STS: variants seen among roughly 807,000 people sequenced by gnomAD.
The protein encoded by STS is steroid sulfatase.
STS carries 7 observed loss-of-function variants against 26.8 expected under a neutral mutation model. That is an observed-to-expected ratio of 0.26 (90% CI 0.15 to 0.49). STS has a LOEUF of 0.49. STS is among the 20% of genes least tolerant of loss of function. The pLI is 0.98. For missense variants in STS, 434 were observed against 465.6 expected, an observed-to-expected ratio of 0.93 and a Z score of 0.63; for synonymous variants, 199 against 189.4, an observed-to-expected ratio of 1.05 and a Z score of -0.42.
intron 2 of STS, among the ~76,000 whole-genome samples, chrX:7,242,719 A>G (rs1922681772): frequency 8.9e-6 from 1 of 112,556 alleles, no homozygotes; most frequent in Admixed American, 9.4e-5. Context: ...AACAGGCTAA[A>G]TATATAGCTT....
At chrX:7,275,844 A>T in intron 6 of STS, 107 bp from the exon 7 acceptor site, 1 of 991,387 alleles carries the variant, frequency 1.0e-6, no homozygotes, top group Non-Finnish European at 1.4e-6. Context: ...GTGAATTTTC[A>T]AATAGCCTGC....
intron 2 of STS, among the ~76,000 whole-genome samples, chrX:7,234,774 G>T (rs750193999): frequency 8.9e-6 from 1 of 112,113 alleles, no homozygotes; most frequent in Non-Finnish European, 1.9e-5. Context: ...TCCTTTTACA[G>T]GAGAAAGAAG....
At chrX:7,326,664 G>A (rs1927490366) in intron 9 of STS, among the ~76,000 whole-genome samples, 1 of 112,542 alleles carries the variant, frequency 8.9e-6, no homozygotes, top group African/African-American at 3.2e-5. Context: ...CCAATCTGAA[G>A]AGTTTTAAGT....
intron 1 of STS, among the ~76,000 whole-genome samples, chrX:7,184,149 G>A (rs1246035032): frequency 8.9e-6 from 1 of 112,436 alleles, no homozygotes; most frequent in Non-Finnish European, 1.9e-5. Flanking sequence ...TATCCCCAAT[G>A]CACAACAAGG....
At chrX:7,217,056 G>A (rs1296974567) in intron 2 of STS, among the ~76,000 whole-genome samples, 1 of 110,997 alleles carries the variant, frequency 9.0e-6, no homozygotes, top group Non-Finnish European at 1.9e-5. Context: ...TCATAGCCAC[G>A]GAATAGGGTG....
At chrX:7,288,797 C>G (rs1925272895) in intron 7 of STS, among the ~76,000 whole-genome samples, 1 of 109,920 alleles carries the variant, frequency 9.1e-6, no homozygotes, top group Admixed American at 9.8e-5. Context: ...TGTTGGTGGC[C>G]CAGTGTTATA....
At chrX:7,334,858 G>T (rs180757106) in intron 10 of STS, among the ~76,000 whole-genome samples, 1 of 112,544 alleles carries the variant, frequency 8.9e-6, no homozygotes, top group African/African-American at 3.2e-5. Context: ...AGGATATCTT[G>T]TGGGTTTTCT....
At chrX:7,307,646 A>T (rs2147142449) in intron 8 of STS, among the ~76,000 whole-genome samples, 1 of 112,287 alleles carries the variant, frequency 8.9e-6, no homozygotes, top group Admixed American at 9.4e-5. Flanking sequence ...GGCTTCAAAG[A>T]TTCCCTGATT....
At chrX:7,166,401 C>A (rs1933351558) in intron 1 of STS, among the ~76,000 whole-genome samples, 1 of 111,260 alleles carries the variant, frequency 9.0e-6, no homozygotes. Context: ...AAAACTAACC[C>A]CAGCAATCTA....
intron 1 of STS, among the ~76,000 whole-genome samples, chrX:7,161,756 T>C (rs1211300358): frequency 4.5e-5 from 5 of 112,201 alleles, no homozygotes; most frequent in Admixed American, 9.5e-5. Flanking sequence ...ATAATATCAC[T>C]AAAAGTGTTA....
intron 8 of STS, among the ~76,000 whole-genome samples, chrX:7,311,616 G>A (rs1195837073): frequency 8.9e-6 from 1 of 112,345 alleles, no homozygotes; most frequent in Non-Finnish European, 1.9e-5. Context: ...GGGAGGCTGA[G>A]ATGGGAGGAT....
chrX:7,251,270 CAGAA>C (rs1359820250), intron 2 of STS, among the ~76,000 whole-genome samples: 3 of 111,591 alleles, frequency 2.7e-5, no homozygotes, highest in African/African-American at 9.8e-5. Context: ...AGAGACTCTG[CAGAA>C]AGAGAGACAC....
At chrX:7,303,197 C>T (rs752090031) in intron 7 of STS, among the ~76,000 whole-genome samples, 13 of 110,872 alleles carry the variant, frequency 1.2e-4, no homozygotes, top group Non-Finnish European at 1.9e-4. Context: ...TGGTTTTATG[C>T]GGGGTTTCTG....
At chrX:7,267,397 T>G (rs982080615) in intron 6 of STS, among the ~76,000 whole-genome samples, 3 of 112,322 alleles carry the variant, frequency 2.7e-5, no homozygotes, top group African/African-American at 9.7e-5. Context: ...TGTAGCAAGT[T>G]AATTTTATTC....
chrX:7,249,982 C>T (rs1257433662), intron 2 of STS, among the ~76,000 whole-genome samples: 1 of 111,033 alleles, frequency 9.0e-6, no homozygotes, highest in Admixed American at 9.7e-5. Context: ...GGCCAGAGTA[C>T]AGTGGCGCCA....
intron 8 of STS, among the ~76,000 whole-genome samples, chrX:7,313,749 C>T (rs983365329): frequency 1.8e-5 from 2 of 112,324 alleles, no homozygotes; most frequent in East Asian, 5.6e-4. Context: ...GGGTCTCCGA[C>T]TGCTACTAAT....
chrX:7,208,686 C>G (rs1920968899), intron 2 of STS, among the ~76,000 whole-genome samples: 1 of 110,428 alleles, frequency 9.1e-6, no homozygotes, highest in Admixed American at 9.7e-5. Flanking sequence ...TTTTCCTTTC[C>G]TTTCTGTAAT....
chrX:7,312,386 G>A (rs1163956094), intron 8 of STS, among the ~76,000 whole-genome samples: 1 of 111,901 alleles, frequency 8.9e-6, no homozygotes, highest in Non-Finnish European at 1.9e-5. Context: ...TCCCATGGAA[G>A]CTGGAATCTG....
intron 1 of STS, among the ~76,000 whole-genome samples, chrX:7,180,339 C>T (rs1186625523): frequency 8.9e-6 from 1 of 111,936 alleles, no homozygotes; most frequent in African/African-American, 3.2e-5. Flanking sequence ...CAACCTAGAT[C>T]CCTCACATGC....
Sources: allele counts gnomAD v4.1 joint callset (sites outside exome capture counted in the v4.1 genomes callset), GRCh38; gene constraint gnomAD v4.1.1; transcripts MANE v1.5; gene names NCBI Gene and HGNC (gene_info 2026-07-23, HGNC 2026-07-21).